The following ATCAY variants were observed in gnomAD, a reference collection of about 807,000 sequenced individuals.
ATCAY encodes the protein ATCAY kinesin light chain interacting caytaxin, also known as caytaxin.
Under a neutral mutation model 47.7 loss-of-function variants are expected in ATCAY, and 22 were observed. The ratio of observed to expected loss-of-function variants is 0.46; its 90% confidence interval spans 0.33 to 0.66. The LOEUF is 0.66. Ranked by LOEUF, ATCAY falls within the 30% of genes least tolerant of loss-of-function variation. ATCAY has a pLI of 0.02. For synonymous variants in ATCAY, 216 were observed against 207.6 expected (o/e 1.04, Z -0.35); for missense variants, 452 against 515.0 (o/e 0.88, Z 1.18).
chr19:3,907,864 G>A lies in ATCAY; in HGVS notation c.489G>A (p.Glu163=), dbSNP rs1306394062. ...LWRTVIIGEQ[E]HRIDLHMIRP... Reference sequence around the variant, plus strand: ...GGACAGTGATCATCGGGGAGCAAGAGCACCGTATAGACCTGCACATGATCC... The same window carrying A: ...GGACAGTGATCATCGGGGAGCAAGAACACCGTATAGACCTGCACATGATCC... Residue 163 remains glutamate (E), a synonymous_variant, in exon 5 of 13, where the codon GAG becomes GAA. Transcript: ENST00000450849. This position sits in a 1 kb window ranked among gnomAD's most constrained non-coding sequence, Gnocchi z 5.1. 6.2e-7 allele frequency: 1 copy of A among 1,613,960 alleles called. No individual in the cohort carries two copies. Among genetic ancestry groups the A allele is most frequent in the Non-Finnish European group, 8.5e-7 (1 of 1,179,844 alleles).
intron 5 of ATCAY, 131 bp from the exon 6 acceptor site, chr19:3,908,137 T>C: frequency 3.9e-6 from 4 of 1,028,268 alleles, no homozygotes; most frequent in Non-Finnish European, 5.8e-6. Context: ...GGCTAAGGGG[T>C]CGCCGGCTGC....
chr19:3,896,530 G>A (rs957181859), intron 2 of ATCAY, among the ~76,000 whole-genome samples: 3 of 150,724 alleles, frequency 2.0e-5, no homozygotes, highest in African/African-American at 4.9e-5. Context: ...GCCTCCCAAA[G>A]TGCCGGGATT....
At chr19:3,887,503 T>A (rs1213876325) in intron 2 of ATCAY, among the ~76,000 whole-genome samples, 2 of 149,374 alleles carry the variant, frequency 1.3e-5, no homozygotes, top group African/African-American at 4.9e-5. Context: ...TTATTTATTT[T>A]TGAGACAGAG....
At chr19:3,919,803 A>G (rs556870562) in intron 11 of ATCAY, among the ~76,000 whole-genome samples, 128 of 152,068 alleles carry the variant, frequency 8.4e-4, no homozygotes, top group Admixed American at 1.6e-3. Flanking sequence ...CGCAATCTCA[A>G]TGTTATCATA....
chr19:3,903,049 C>G (rs113314343), intron 3 of ATCAY, among the ~76,000 whole-genome samples: 6,292 of 152,234 alleles, frequency 0.041, 246 homozygotes, highest in South Asian at 0.19. Context: ...TCATGGCTCA[C>G]TGCAGCCTCA....
rs933763316 is a variant in ATCAY at position 3,905,458 on chromosome 19, A to G, written c.161A>G (p.Asn54Ser). The G allele has an allele frequency of 1.2e-6, 2 of 1,612,212 alleles. No individual in the cohort carries two copies. Among genetic ancestry groups the G allele is most frequent in the Non-Finnish European group, 1.7e-6 (2 of 1,178,982 alleles). Residue 54 changes from asparagine (N) to serine (S), a missense_variant, in exon 4 of 13, where the codon AAC becomes AGC. Asn to Ser is a conservative substitution (Grantham distance 46, BLOSUM62 1). Coordinates refer to ENST00000450849, the MANE Select transcript of ATCAY (RefSeq NM_033064.5). Reference protein sequence around the residue: ...TSSPPNTLNFNGAHRKRKTLV... With the variant: ...TSSPPNTLNFSGAHRKRKTLV... ...GCTCCTCCCAACACGCTAAATTTCA[A>G]CGGAGCGCATCGTAAGAGGAAGACG...
chr19:3,922,640 A>C (rs148277245), intron 12 of ATCAY, among the ~76,000 whole-genome samples: 2 of 152,254 alleles, frequency 1.3e-5, no homozygotes, highest in Non-Finnish European at 2.9e-5. Context: ...GGATGCTCCA[A>C]GAGTTTAGAA....
At chr19:3,908,013 G>A in intron 5 of ATCAY, 94 bp downstream of exon 5, 2 of 1,460,362 alleles carry the variant, frequency 1.4e-6, no homozygotes, top group African/African-American at 1.4e-5. Context: ...GCACGGGGAT[G>A]TTAAGCCGTC....
chr19:3,885,121 A>T (rs570150079), intron 1 of ATCAY, among the ~76,000 whole-genome samples: 1 of 148,860 alleles, frequency 6.7e-6, no homozygotes, highest in Non-Finnish European at 1.5e-5. Flanking sequence ...AAAAAAAAAA[A>T]AAAAAAAAAA....
chr19:3,898,819 T>A (rs1384949476), intron 2 of ATCAY, among the ~76,000 whole-genome samples: 1 of 151,954 alleles, frequency 6.6e-6, no homozygotes, highest in Non-Finnish European at 1.5e-5. Flanking sequence ...GTAGCTAGGA[T>A]TATAGGCATG....
Position 3,925,012 on chromosome 19 carries a change from C to T in ATCAY, c.*420C>T, listed in dbSNP as rs1044796308. On this transcript the variant is annotated 3_prime_UTR_variant, in exon 13 of 13. Transcript: ENST00000450849. This position sits in a 1 kb window ranked among gnomAD's most constrained non-coding sequence, Gnocchi z 4.4. Reference sequence around the variant, plus strand: ...CCAGGTTGGAGCCACAGACACCCACCGCCACCCCGGCTGGGTCTGCGTCCT... The same window carrying T: ...CCAGGTTGGAGCCACAGACACCCACTGCCACCCCGGCTGGGTCTGCGTCCT... 8 of 167,918 alleles carry T rather than the reference C, an allele frequency of 4.8e-5. No individual in the cohort carries two copies. The highest frequency in any genetic ancestry group is 1.7e-4 in the East Asian group (1 of 6,026). The allele number at this position is 167,918 out of a possible 1,614,324, so 10.4% of individuals were successfully genotyped here.
chr19:3,914,028 G>A (rs1467567691), intron 9 of ATCAY, among the ~76,000 whole-genome samples, 172 bp downstream of exon 9: 1 of 151,764 alleles, frequency 6.6e-6, no homozygotes, highest in Non-Finnish European at 1.5e-5. Flanking sequence ...CGAGGTCAGG[G>A]GATCGAGACC....
chr19:3,890,979 A>G (rs2038713304), intron 2 of ATCAY, among the ~76,000 whole-genome samples: 1 of 151,648 alleles, frequency 6.6e-6, no homozygotes, highest in Non-Finnish European at 1.5e-5. Flanking sequence ...TCCCCTGGGG[A>G]CTGCAGAAGT....
chr19:3,910,193 A>G (rs2038911374), intron 7 of ATCAY, among the ~76,000 whole-genome samples: 1 of 152,188 alleles, frequency 6.6e-6, no homozygotes, highest in South Asian at 2.1e-4. Flanking sequence ...TAGGACTGGA[A>G]TCACACAGGA....
chr19:3,897,447 A>C (rs1041235248), intron 2 of ATCAY, among the ~76,000 whole-genome samples: 1 of 150,950 alleles, frequency 6.6e-6, no homozygotes, highest in Non-Finnish European at 1.5e-5. Context: ...CTACAGGGAC[A>C]CGCCACCATG....
chr19:3,917,620 AGAAG>A, intron 9 of ATCAY, 118 bp from the exon 10 acceptor site: 2 of 903,428 alleles, frequency 2.2e-6, no homozygotes, highest in South Asian at 1.6e-5. Context: ...AGGAAGAAGA[AGAAG>A]AAGAAAAGAA....
At chr19:3,923,138 C>G (rs541702726) in intron 12 of ATCAY, among the ~76,000 whole-genome samples, 1 of 152,030 alleles carries the variant, frequency 6.6e-6, no homozygotes, top group East Asian at 1.9e-4. Flanking sequence ...AAATAAACAT[C>G]AAAAATGGCC....
At chr19:3,896,218 A>G (rs774651982) in intron 2 of ATCAY, among the ~76,000 whole-genome samples, 1 of 149,868 alleles carries the variant, frequency 6.7e-6, no homozygotes, top group Non-Finnish European at 1.5e-5. Flanking sequence ...TTCACAGCCA[A>G]TGTAGAATCT....
At chr19:3,893,180 T>A (rs946323272) in intron 2 of ATCAY, among the ~76,000 whole-genome samples, 8 of 150,700 alleles carry the variant, frequency 5.3e-5, no homozygotes, top group African/African-American at 2.0e-4. Flanking sequence ...ACTTTTTTTT[T>A]TTTTTTTTTT....
Sources: gnomAD v4.1 joint callset for allele counts (sites outside exome capture counted in the v4.1 genomes callset) on GRCh38, gnomAD v4.1.1 for gene constraint, Gnocchi (gnomAD v3.1) non-coding constraint, MANE v1.5 for transcripts, NCBI Gene and HGNC (gene_info 2026-07-23, HGNC 2026-07-21) for gene names.